ACLY: variants seen among roughly 807,000 people sequenced by gnomAD.
The protein encoded by ACLY is ATP citrate lyase, also known as ATP-citrate synthase.
Under a neutral mutation model 133.0 loss-of-function variants are expected in ACLY, and 41 were observed. That is an observed-to-expected ratio of 0.31 (90% CI 0.24 to 0.40). The LOEUF is 0.40. Among genes scored for constraint, ACLY ranks in the 10% least tolerant of loss-of-function variants. The pLI, the probability that ACLY is intolerant of heterozygous loss-of-function variation, is 1.00. For missense variants in ACLY, 1,046 were observed against 1,453.8 expected (o/e 0.72, Z 4.56); for synonymous variants, 495 against 549.3 (o/e 0.90, Z 1.38).
At chr17:41,900,483 G>A (rs2049506842) in intron 11 of ACLY, among the ~76,000 whole-genome samples, 1 of 152,120 alleles carries the variant, frequency 6.6e-6, no homozygotes, top group Non-Finnish European at 1.5e-5. Context: ...ACTTTGGGAG[G>A]CAAAGGCAAG....
intron 28 of ACLY, 89 bp downstream of exon 28, chr17:41,868,614 AAGAAAG>A (rs2048523707): frequency 3.8e-6 from 2 of 527,354 alleles, no homozygotes; most frequent in African/African-American, 2.3e-5. Flanking sequence ...AAAAAAAAAA[AAGAAAG>A]AAAAAGAAAC....
Position 41,868,696 on chromosome 17 carries a change from C to T in ACLY, c.3211+13G>A, listed in dbSNP as rs782249281. On this transcript the variant is annotated intron_variant, in intron 28 of 28. Coordinates refer to ENST00000352035, the MANE Select transcript of ACLY (RefSeq NM_001096.3). Reference sequence around the variant, plus strand: ...TAAAAAAAAACACTTAAAACAACAACGAATGGACTCACCAATGAACCCCAT... The same window carrying T: ...TAAAAAAAAACACTTAAAACAACAATGAATGGACTCACCAATGAACCCCAT... The T allele has an allele frequency of 1.6e-5, 26 of 1,610,714 alleles. No homozygotes were observed. Among genetic ancestry groups the T allele is most frequent in the South Asian group, 5.5e-5 (5 of 90,788 alleles).
At chr17:41,884,361 G>A (rs1597990056) in intron 18 of ACLY, 87 bp from the exon 19 acceptor site, 1 of 869,018 alleles carries the variant, frequency 1.2e-6, no homozygotes, top group East Asian at 2.4e-5. Context: ...CTTGTACTGG[G>A]TACACTGGAT....
In ACLY at chr17:41,907,500, T is replaced by C; in HGVS notation, c.689A>G (p.Lys230Arg). 6.2e-7 allele frequency: 1 copy of C among 1,613,984 alleles called. No individual in the cohort carries two copies. Among genetic ancestry groups the C allele is most frequent in the Non-Finnish European group, 8.5e-7 (1 of 1,179,978 alleles). The part of the protein sequence containing the change: ...KVDATADYIC[K>R]VKWGDIEFPP... ...GAACTCGATGTCACCCCACTTCACT[T>C]TGCAGATGTAGTCGGCAGTGGCGTC... is the stretch of plus-strand genomic sequence containing the variant. Residue 230 changes from lysine to arginine, a missense_variant, in exon 7 of 29, where the codon AAA becomes AGA. Transcript: ENST00000352035.
chr17:41,898,546 C>T (rs2049437180), intron 12 of ACLY, 85 bp downstream of exon 12: 2 of 1,509,122 alleles, frequency 1.3e-6, no homozygotes. Context: ...CTCTATGCCC[C>T]CAGGGAACAG....
chr17:41,896,163 A>C (rs1392303558), intron 14 of ACLY, among the ~76,000 whole-genome samples: 1 of 152,170 alleles, frequency 6.6e-6, no homozygotes, highest in African/African-American at 2.4e-5. Context: ...GAAAGGTGGG[A>C]AAATGACATC....
chr17:41,881,416 CAAAAAAAAA>C lies in ACLY; in HGVS notation c.2265+1697_2265+1705del, dbSNP rs34173466. Among the ~76,000 whole-genome samples, 359 of 41,608 alleles carry C rather than the reference CAAAAAAAAA, an allele frequency of 8.6e-3. 1 individual carries two copies. Among genetic ancestry groups the C allele is most frequent in the African/African-American group, 0.033 (342 of 10,478 alleles). 27.3% of individuals were successfully genotyped at this position (41,608 alleles called of 152,430 possible). On this transcript the variant is annotated intron_variant, in intron 20 of 28. Transcript: ENST00000352035. ...CCAGCCTAGGCGAGAGACTCCGTCT[CAAAAAAAAA>C]AAAAAAAAAAAAAAAGGAGAATCAG...
chr17:41,901,358 C>A lies in ACLY; in HGVS notation c.1183+338G>T, dbSNP rs190469337. Among the ~76,000 whole-genome samples, 844 of 152,274 alleles carry A rather than the reference C, an allele frequency of 5.5e-3. 7 individuals are homozygous for A. Among genetic ancestry groups the A allele is most frequent in the Middle Eastern group, 0.041 (12 of 294 alleles). On this transcript the variant is annotated intron_variant, in intron 11 of 28. Transcript: ENST00000352035. ...TTGTTTTCCTTCCTGGCACTCGGCA[C>A]CCCCTGACATAGCAGTTTGTGTCCT...
intron 1 of ACLY, among the ~76,000 whole-genome samples, chr17:41,925,497 G>C (rs1274359226): frequency 6.6e-6 from 1 of 151,006 alleles, no homozygotes; most frequent in Non-Finnish European, 1.5e-5. Context: ...TGTAGTTCCA[G>C]CTACTGGGGA....
Position 41,901,785 on chromosome 17 carries a change from TG to T in ACLY, c.1093del (p.Gln365ArgfsTer4). On this transcript the variant is annotated frameshift_variant, in exon 11 of 29. Transcript: ENST00000352035. LOFTEE classifies it high-confidence loss of function. ...KGIVRAIRDY[Q>X]GPLKEHEVTI... is the part of the protein sequence containing the mutation. ...GACTTCGTGCTCCTTCAGGGGGCCC[TG>T]GTAATCTCGAATTGCTCTCACGATG... 1 of 1,595,270 alleles carries T rather than the reference TG, an allele frequency of 6.3e-7. No individual in the cohort carries two copies. The highest frequency in any genetic ancestry group is 8.6e-7 in the Non-Finnish European group (1 of 1,168,772).
intron 20 of ACLY, among the ~76,000 whole-genome samples, chr17:41,880,055 G>A (rs2048876393): frequency 6.6e-6 from 1 of 152,120 alleles, no homozygotes. Context: ...TCAAGCGATG[G>A]AGGAAATTAA....
At chr17:41,883,262 C>A in intron 19 of ACLY, 30 bp from the exon 20 acceptor site, 1 of 1,580,368 alleles carries the variant, frequency 6.3e-7, no homozygotes, top group Non-Finnish European at 8.7e-7. Context: ...GAGAAAAAGC[C>A]AAGTTAGTGC....
chr17:41,880,681 T>A (rs2048888942), intron 20 of ACLY, among the ~76,000 whole-genome samples: 1 of 151,548 alleles, frequency 6.6e-6, no homozygotes, highest in Non-Finnish European at 1.5e-5. Context: ...TAGCTAACGG[T>A]GAAACCCCAT....
exon 1 of ACLY, chr17:41,930,524 T>C (rs1308621556): frequency 1.5e-5 from 8 of 546,182 alleles, no homozygotes; most frequent in African/African-American, 3.8e-5. Context: ...CATCACTCCC[T>C]GGCCCAGTGC....
At position 41,873,886 on chromosome 17, in the gene ACLY, C is replaced by T. The variant is rs782376333; in HGVS notation, c.2567G>A (p.Gly856Asp). The change falls in exon 23 of 29, where the codon GGC (glycine) becomes GAC (aspartate). Residue 856 changes from glycine to aspartate, a missense_variant. Gly to Asp is a moderately conservative substitution (Grantham distance 94). Around this residue, in one of 4 missense-constraint regions of ACLY, gnomAD observed 205 missense variants for 373.3 expected, o/e 0.55. Coordinates refer to ENST00000352035, the MANE Select transcript of ACLY (RefSeq NM_001096.3). The stretch of plus-strand genomic sequence containing the variant: ...CTTGAAGACCTCAGTGATGGGCATG[C>T]CCGCGTAGATGAGCTCCTGTCCTCG... The part of the protein sequence containing the change: ...DERGQELIYA[G>D]MPITEVFKEE... 6.2e-7 allele frequency: 1 copy of T among 1,610,476 alleles called. No individual in the cohort carries two copies. The highest frequency in any genetic ancestry group is 8.5e-7 in the Non-Finnish European group (1 of 1,177,662).
chr17:41,868,597 A>G, intron 28 of ACLY, 112 bp downstream of exon 28: 1 of 645,964 alleles, frequency 1.5e-6, no homozygotes, highest in Non-Finnish European at 2.4e-6. Context: ...ACAAAAAGAA[A>G]ATTAAAAAAA....
chr17:41,930,514 C>T, exon 1 of ACLY: 1 of 518,572 alleles, frequency 1.9e-6, no homozygotes, highest in East Asian at 3.3e-5. Context: ...GCCACGCAAT[C>T]ATCACTCCCT....
At chr17:41,890,042 T>A (rs1419838852) in intron 16 of ACLY, among the ~76,000 whole-genome samples, 1 of 152,146 alleles carries the variant, frequency 6.6e-6, no homozygotes, top group African/African-American at 2.4e-5. Flanking sequence ...ATTAAGGATA[T>A]AGGCAAATGT....
At chr17:41,903,680 C>T (rs1190321440) in intron 10 of ACLY, among the ~76,000 whole-genome samples, 6 of 135,472 alleles carry the variant, frequency 4.4e-5, no homozygotes, top group African/African-American at 1.1e-4. Context: ...GGCATGAATC[C>T]GGGAGGCGGA....
Sources: gnomAD v4.1 joint callset for allele counts (sites outside exome capture counted in the v4.1 genomes callset) on GRCh38, gnomAD v4.1.1 for gene constraint, gnomAD v4.1.1 regional missense constraint, MANE v1.5 for transcripts, NCBI Gene and HGNC (gene_info 2026-07-23, HGNC 2026-07-21) for gene names.